Variants in GABRB1 observed in about 807,000 individuals in gnomAD.
GABRB1 encodes the protein gamma-aminobutyric acid type A receptor subunit beta1, also known as gamma-aminobutyric acid receptor subunit beta-1.
In GABRB1, 17 loss-of-function variants were observed where a neutral mutation model predicts 51.6. The observed-to-expected ratio is 0.33, with a 90% CI of 0.23 to 0.49. The LOEUF is 0.49. Among genes scored for constraint, GABRB1 ranks in the 20% least tolerant of loss-of-function variants. The pLI, the probability that GABRB1 is intolerant of heterozygous loss-of-function variation, is 0.99. For synonymous variants in GABRB1, 247 were observed against 218.9 expected, an observed-to-expected ratio of 1.13 and a Z score of -1.14; for missense variants, 410 against 600.6, an observed-to-expected ratio of 0.68 and a Z score of 3.32.
chr4:47,135,784 A>T (rs1160064613), intron 3 of GABRB1, among the ~76,000 whole-genome samples: 1 of 152,116 alleles, frequency 6.6e-6, no homozygotes, highest in Non-Finnish European at 1.5e-5. Context: ...AAAAAGCTTT[A>T]GTGGCTCTTT....
intron 8 of GABRB1, among the ~76,000 whole-genome samples, chr4:47,414,295 C>G (rs1728848076): frequency 6.6e-6 from 1 of 152,166 alleles, no homozygotes; most frequent in Non-Finnish European, 1.5e-5. Flanking sequence ...GGTCAGAGCA[C>G]AGTTTTGCTT....
intron 4 of GABRB1, among the ~76,000 whole-genome samples, chr4:47,250,361 C>T (rs1007135893): frequency 1.1e-4 from 17 of 152,122 alleles, no homozygotes; most frequent in African/African-American, 4.1e-4. Context: ...TTACCTGGAG[C>T]TTCTGTCTCA....
intron 3 of GABRB1, among the ~76,000 whole-genome samples, chr4:47,087,253 T>C (rs954296905): frequency 2.0e-5 from 3 of 150,332 alleles, no homozygotes; most frequent in Admixed American, 6.7e-5. Context: ...TCCAGGCGTA[T>C]GATACAATAA....
chr4:47,157,094 T>A (rs1042772671), intron 3 of GABRB1, among the ~76,000 whole-genome samples: 2 of 152,136 alleles, frequency 1.3e-5, no homozygotes, highest in Non-Finnish European at 2.9e-5. Context: ...GCCCAACTAA[T>A]TTTATTAGCA....
At chr4:47,201,811 C>T (rs1719907550) in intron 4 of GABRB1, among the ~76,000 whole-genome samples, 1 of 152,152 alleles carries the variant, frequency 6.6e-6, no homozygotes. Context: ...AGCACAAGTG[C>T]TTATTTTTAC....
At chr4:47,001,364 AAT>A (rs1577813378) in intron 1 of GABRB1, among the ~76,000 whole-genome samples, 1 of 151,816 alleles carries the variant, frequency 6.6e-6, no homozygotes, top group Non-Finnish European at 1.5e-5. Flanking sequence ...GGATGGTCTG[AAT>A]CTCCTGACCT....
chr4:47,305,894 G>C (rs943409427), intron 4 of GABRB1, among the ~76,000 whole-genome samples: 7 of 152,024 alleles, frequency 4.6e-5, no homozygotes, highest in Non-Finnish European at 1.0e-4. Context: ...TGTAAGTGGA[G>C]ATATTTTGGG....
At chr4:47,405,903 A>G (rs192352072) in intron 7 of GABRB1, among the ~76,000 whole-genome samples, 1 of 152,336 alleles carries the variant, frequency 6.6e-6, no homozygotes, top group East Asian at 1.9e-4. Flanking sequence ...AACAAAGTAA[A>G]TAAAACAAAA....
intron 5 of GABRB1, among the ~76,000 whole-genome samples, chr4:47,322,655 G>A (rs917179596): frequency 6.6e-5 from 10 of 152,086 alleles, no homozygotes; most frequent in East Asian, 3.9e-4. Flanking sequence ...CAACAGGTGC[G>A]TAAGGGACCA....
intron 7 of GABRB1, among the ~76,000 whole-genome samples, chr4:47,403,955 A>C (rs934493783): frequency 2.0e-5 from 3 of 152,222 alleles, no homozygotes; most frequent in African/African-American, 7.2e-5. Context: ...AGCACTACTT[A>C]AGTGTCTCAT....
chr4:47,338,743 G>A (rs1271022923), intron 5 of GABRB1, among the ~76,000 whole-genome samples: 1 of 152,158 alleles, frequency 6.6e-6, no homozygotes, highest in Non-Finnish European at 1.5e-5. Context: ...TGGTAGAAAA[G>A]GAGGTGATGT....
intron 4 of GABRB1, among the ~76,000 whole-genome samples, chr4:47,260,152 AC>A (rs962930299): frequency 2.0e-5 from 3 of 151,500 alleles, no homozygotes; most frequent in African/African-American, 7.3e-5. Flanking sequence ...TGCAACCCCT[AC>A]CTTTTTTTTG....
At chr4:47,257,431 T>A (rs760204931) in intron 4 of GABRB1, among the ~76,000 whole-genome samples, 3 of 152,078 alleles carry the variant, frequency 2.0e-5, no homozygotes, top group African/African-American at 7.2e-5. Flanking sequence ...TCTTTTCCAC[T>A]GGAATCCTAA....
At chr4:47,220,068 C>A (rs1403700407) in intron 4 of GABRB1, among the ~76,000 whole-genome samples, 3 of 151,972 alleles carry the variant, frequency 2.0e-5, no homozygotes, top group African/African-American at 7.2e-5. Flanking sequence ...TATCCTCAAA[C>A]CACAATATAT....
chr4:47,342,802 T>A (rs1412446796), intron 5 of GABRB1, among the ~76,000 whole-genome samples: 2 of 152,060 alleles, frequency 1.3e-5, no homozygotes, highest in Non-Finnish European at 2.9e-5. Flanking sequence ...ATGATGTCAC[T>A]AAGGGGTCCA....
At chr4:47,032,595 G>A (rs2109469942) in intron 3 of GABRB1, 111 bp downstream of exon 3, 2 of 1,027,322 alleles carry the variant, frequency 1.9e-6, no homozygotes, top group Non-Finnish European at 3.1e-6. Context: ...GGCCCCTGAG[G>A]TCCCACTCCG....
At chr4:47,024,165 GTTC>G (rs967548343) in intron 1 of GABRB1, among the ~76,000 whole-genome samples, 1 of 151,636 alleles carries the variant, frequency 6.6e-6, no homozygotes, top group Non-Finnish European at 1.5e-5. Flanking sequence ...CTAGTAGTTT[GTTC>G]TTCTTGTTGT....
chr4:47,265,629 G>A (rs572858503), intron 4 of GABRB1, among the ~76,000 whole-genome samples: 2 of 151,908 alleles, frequency 1.3e-5, no homozygotes, highest in African/African-American at 4.8e-5. Context: ...TTAATAATAG[G>A]TGTTCTGACT....
intron 3 of GABRB1, among the ~76,000 whole-genome samples, chr4:47,041,360 A>G (rs563977683): frequency 9.9e-5 from 15 of 152,272 alleles, no homozygotes; most frequent in Middle Eastern, 3.4e-3. Flanking sequence ...TTCATAGATT[A>G]TACTATTTTG....
Sources: allele counts gnomAD v4.1 joint callset (sites outside exome capture counted in the v4.1 genomes callset), GRCh38; gene constraint gnomAD v4.1.1; transcripts MANE v1.5; gene names NCBI Gene and HGNC (gene_info 2026-07-23, HGNC 2026-07-21).